The following PHF20 variants were observed in gnomAD, a reference collection of about 807,000 sequenced individuals.
PHF20 encodes glioma-expressed antigen 2.
PHF20 carries 23 observed loss-of-function variants against 113.5 expected under a neutral mutation model. The ratio of observed to expected loss-of-function variants is 0.20; its 90% CI spans 0.15 to 0.29. The LOEUF (loss-of-function observed/expected upper bound fraction) is 0.29. PHF20 is among the 10% of genes least tolerant of loss of function. The pLI is 1.00. For synonymous variants in PHF20, 434 were observed against 457.3 expected, an observed-to-expected ratio of 0.95 and a Z score of 0.65; for missense variants, 943 against 1,219.6, an observed-to-expected ratio of 0.77 and a Z score of 3.38.
intron 10 of PHF20, among the ~76,000 whole-genome samples, chr20:35,901,950 TAATAA>T (rs2055106068): frequency 8.0e-6 from 1 of 124,642 alleles, no homozygotes; most frequent in Non-Finnish European, 1.8e-5. Flanking sequence ...CTAATCTTTT[TAATAA>T]GCCTGTGTAA....
At chr20:35,781,083 C>T (rs367645402) in intron 1 of PHF20, among the ~76,000 whole-genome samples, 1 of 151,902 alleles carries the variant, frequency 6.6e-6, no homozygotes, top group South Asian at 2.1e-4. Flanking sequence ...GAACCCCTGA[C>T]CTCAGGTGCT....
intron 13 of PHF20, among the ~76,000 whole-genome samples, chr20:35,921,689 TC>T (rs11483518): frequency 1.1e-5 from 1 of 87,366 alleles, no homozygotes; most frequent in Non-Finnish European, 2.3e-5. Context: ...GTCCCCACCC[TC>T]CCCCCCAAAA....
At position 35,787,887 on chromosome 20, in the gene PHF20, C is replaced by T. The variant is rs1236102071; in HGVS notation, c.-32-13604C>T. Among the ~76,000 whole-genome samples the T allele has an allele frequency of 2.0e-5, 3 of 152,048 alleles. No homozygotes were observed. In the East Asian group the frequency reaches 5.8e-4, roughly 29 times the overall value. On this transcript the variant is annotated intron_variant, in intron 1 of 17. Coordinates refer to ENST00000374012, the MANE Select transcript of PHF20 (RefSeq NM_016436.5). Reference sequence around the variant, plus strand: ...CCTCCGCCTGGGTTCAAGTGATTCTCCTGCCTCAGCCTCCCTGGTAGCTGG... The same window carrying T: ...CCTCCGCCTGGGTTCAAGTGATTCTTCTGCCTCAGCCTCCCTGGTAGCTGG...
chr20:35,821,063 A>G (rs2042159957), intron 2 of PHF20, among the ~76,000 whole-genome samples: 1 of 152,120 alleles, frequency 6.6e-6, no homozygotes. Context: ...CAGATCGGCC[A>G]TAATAAGGAG....
At chr20:35,816,710 C>T (rs1442021587) in intron 2 of PHF20, among the ~76,000 whole-genome samples, 2 of 151,982 alleles carry the variant, frequency 1.3e-5, no homozygotes, top group East Asian at 3.9e-4. Context: ...CCTCAGCCTC[C>T]GAAAGTGCTG....
At chr20:35,848,835 C>T (rs1477137796) in intron 4 of PHF20, among the ~76,000 whole-genome samples, 1 of 146,600 alleles carries the variant, frequency 6.8e-6, no homozygotes, top group Non-Finnish European at 1.5e-5. Flanking sequence ...CCAGCCTGGG[C>T]AGCAGAACGA....
At chr20:35,850,249 G>T (rs1319312297) in intron 4 of PHF20, among the ~76,000 whole-genome samples, 1 of 147,930 alleles carries the variant, frequency 6.8e-6, no homozygotes, top group Non-Finnish European at 1.5e-5. Context: ...GCCATCTCTG[G>T]TGAGCTGACC....
intron 10 of PHF20, among the ~76,000 whole-genome samples, chr20:35,902,560 G>A (rs2055117745): frequency 6.6e-6 from 1 of 152,194 alleles, no homozygotes; most frequent in Non-Finnish European, 1.5e-5. Context: ...TCAGTATAAT[G>A]CACCTGAGCG....
chr20:35,791,306 G>A (rs2041542295), intron 1 of PHF20, among the ~76,000 whole-genome samples: 2 of 151,832 alleles, frequency 1.3e-5, no homozygotes, highest in Admixed American at 6.6e-5. Flanking sequence ...ACTAGCCTTG[G>A]TATTTGGGAA....
rs1025483561 is a variant in PHF20 at position 35,945,967 on chromosome 20, C to A, written c.2897-1518C>A. Among the ~76,000 whole-genome samples the A allele has an allele frequency of 9.4e-5, 14 of 148,302 alleles. No homozygotes were observed. The Middle Eastern group carries it at 0.015, about 156-fold the overall frequency. On this transcript the variant is annotated intron_variant, in intron 17 of 17. Transcript: ENST00000374012. ...GGTGGATCACCTGAGGTCAGGAGTTCGAGGCCAGCCTGGCCAACATGATGA... is the reference window on the plus strand; with the variant it reads ...GGTGGATCACCTGAGGTCAGGAGTTAGAGGCCAGCCTGGCCAACATGATGA...
At chr20:35,861,021 G>C (rs991557319) in intron 5 of PHF20, among the ~76,000 whole-genome samples, 31 of 152,110 alleles carry the variant, frequency 2.0e-4, no homozygotes, top group Admixed American at 2.0e-4. Flanking sequence ...ACCTTAGCCC[G>C]GTAGGCCCTT....
At chr20:35,809,508 G>A (rs2041940552) in intron 2 of PHF20, among the ~76,000 whole-genome samples, 1 of 151,670 alleles carries the variant, frequency 6.6e-6, no homozygotes, top group South Asian at 2.1e-4. Flanking sequence ...GAACCTGGGA[G>A]GCAGAGGTTG....
intron 1 of PHF20, among the ~76,000 whole-genome samples, chr20:35,785,817 C>T (rs942762631): frequency 6.6e-6 from 1 of 150,948 alleles, no homozygotes; most frequent in Non-Finnish European, 1.5e-5. Flanking sequence ...AATCCCAGCA[C>T]TTTGGGAGGC....
intron 11 of PHF20, 71 bp from the exon 12 acceptor site, chr20:35,913,962 G>A: frequency 6.9e-7 from 1 of 1,452,718 alleles, no homozygotes. Context: ...TTGTTGGTTG[G>A]ATGAGATTGA....
At chr20:35,836,862 CTT>C (rs2042451140) in intron 2 of PHF20, among the ~76,000 whole-genome samples, 4 of 148,260 alleles carry the variant, frequency 2.7e-5, no homozygotes, top group African/African-American at 9.9e-5. Context: ...AAAAAAAAAA[CTT>C]TTAATTTAAA....
intron 10 of PHF20, among the ~76,000 whole-genome samples, chr20:35,905,706 A>T (rs1232023787): frequency 6.6e-6 from 1 of 152,204 alleles, no homozygotes; most frequent in East Asian, 1.9e-4. Context: ...TTAAGGAGTG[A>T]GGCTAGATAG....
chr20:35,806,582 T>C (rs893780465), intron 2 of PHF20, among the ~76,000 whole-genome samples: 4 of 152,126 alleles, frequency 2.6e-5, no homozygotes, highest in Non-Finnish European at 5.9e-5. Context: ...GAATAGTCCA[T>C]TCTTTCCCTA....
chr20:35,801,697 T>C, intron 2 of PHF20, 92 bp downstream of exon 2: 1 of 744,248 alleles, frequency 1.3e-6, no homozygotes, highest in Non-Finnish European at 2.3e-6. Context: ...TTTTGTGGTG[T>C]TTTTCTACTT....
intron 9 of PHF20, among the ~76,000 whole-genome samples, chr20:35,895,568 T>C (rs1463784419): frequency 6.6e-6 from 1 of 152,204 alleles, no homozygotes; most frequent in African/African-American, 2.4e-5. Context: ...TAGGAAAGAA[T>C]TGGATGTATT....
Sources: gnomAD v4.1 joint callset for allele counts (sites outside exome capture counted in the v4.1 genomes callset) on GRCh38, gnomAD v4.1.1 for gene constraint, MANE v1.5 for transcripts, NCBI Gene and HGNC (gene_info 2026-07-23, HGNC 2026-07-21) for gene names.